TIAM2: variants seen among roughly 807,000 people sequenced by gnomAD.
TIAM2 encodes the protein rho guanine nucleotide exchange factor TIAM2.
Under a neutral mutation model 152.9 loss-of-function variants are expected in TIAM2, and 80 were observed. That is an observed-to-expected ratio of 0.52 (90% CI 0.44 to 0.63). The LOEUF (loss-of-function observed/expected upper bound fraction) is 0.63, where lower values mean the gene tolerates loss of function less well. Among genes scored for constraint, TIAM2 ranks in the 30% least tolerant of loss-of-function variants. TIAM2 has a pLI of 0.00. For missense variants in TIAM2, 1,965 were observed against 2,120.1 expected (o/e 0.93, Z 1.44); for synonymous variants, 804 against 838.0 (o/e 0.96, Z 0.70).
chr6:155,172,105 T>C (rs955108891), intron 9 of TIAM2, among the ~76,000 whole-genome samples: 2 of 152,174 alleles, frequency 1.3e-5, no homozygotes, highest in African/African-American at 4.8e-5. Flanking sequence ...TCAGGACCAT[T>C]GATGTAATAA....
intron 1 of TIAM2, among the ~76,000 whole-genome samples, chr6:155,022,983 G>T (rs574994125): frequency 6.6e-6 from 1 of 151,132 alleles, no homozygotes; most frequent in East Asian, 1.9e-4. Context: ...TTCTGTTTTT[G>T]TAGAGAGGTT....
Position 155,154,805 on chromosome 6 carries a change from G to A in TIAM2, c.2028+6471G>A, listed in dbSNP as rs77493766. Among the ~76,000 whole-genome samples the A allele has an allele frequency of 8.8e-3, 1,344 of 152,190 alleles. 17 individuals are homozygous for A. The highest frequency in any genetic ancestry group is 0.031 in the African/African-American group (1,298 of 41,516). ...GAAGGAGGAAGCACTTGCTGGTAGG[G>A]TTCAGACTGCTCTGGGTTTTATGAA... is the stretch of plus-strand genomic sequence containing the variant. On this transcript the variant is annotated intron_variant, in intron 7 of 26. Coordinates refer to ENST00000682666, the MANE Select transcript of TIAM2 (RefSeq NM_012454.4).
intron 1 of TIAM2, among the ~76,000 whole-genome samples, chr6:155,079,404 A>G (rs1333563091): frequency 6.6e-6 from 1 of 152,096 alleles, no homozygotes; most frequent in African/African-American, 2.4e-5. Flanking sequence ...AATTTGTCAG[A>G]TGTCTTTGCT....
In TIAM2 at chr6:155,249,983, C is replaced by CT; in HGVS notation, c.3951+15dup. 1 of 1,599,418 alleles carries CT rather than the reference C, an allele frequency of 6.3e-7. No individual in the cohort carries two copies. The highest frequency in any genetic ancestry group is 8.5e-7 in the Non-Finnish European group (1 of 1,169,926). ...ACAGAGAAGGAGGTCCGTGAGACAT[C>CT]TGCACCCTGGGAGCCTAGTGCATGT... On this transcript the variant is annotated intron_variant, in intron 21 of 26. Transcript: ENST00000682666.
chr6:155,240,446 C>T lies in TIAM2; in HGVS notation c.3169-84C>T, dbSNP rs529937608. ...CTCTGAGATCCCTGCTGAGCACAGA[C>T]GGAGACACTTGGTGCCCTTGGGGGC... On this transcript the variant is annotated intron_variant, in intron 15 of 26. Transcript: ENST00000682666. 4.3e-5 allele frequency: 61 copies of T among 1,430,130 alleles called. 1 individual carries two copies. The South Asian group carries it at 6.0e-4, about 14-fold the overall frequency. The allele number at this position is 1,430,130 out of a possible 1,614,324, so 88.6% of individuals were successfully genotyped here.
chr6:155,203,424 T>G (rs530971979), intron 14 of TIAM2, among the ~76,000 whole-genome samples: 6 of 152,332 alleles, frequency 3.9e-5, no homozygotes, highest in African/African-American at 1.4e-4. Flanking sequence ...TCTGAGAAAC[T>G]GAATAGGGAA....
chr6:155,114,038 T>TA (rs1562320509), intron 2 of TIAM2, among the ~76,000 whole-genome samples: 6 of 22,858 alleles, frequency 2.6e-4, no homozygotes, highest in African/African-American at 3.9e-4. Flanking sequence ...ATATATATAT[T>TA]TTTTTTTTTT....
At chr6:155,095,616 G>A (rs1421977989) in intron 2 of TIAM2, among the ~76,000 whole-genome samples, 1 of 152,158 alleles carries the variant, frequency 6.6e-6, no homozygotes, top group African/African-American at 2.4e-5. Context: ...AAATGAGAGT[G>A]GCCCCATCTG....
At chr6:155,069,930 T>TA (rs1777798646) in intron 1 of TIAM2, among the ~76,000 whole-genome samples, 1 of 137,964 alleles carries the variant, frequency 7.2e-6, no homozygotes, top group African/African-American at 2.8e-5. Context: ...TTTTTTTTTT[T>TA]GAGACAAGGT....
intron 1 of TIAM2, among the ~76,000 whole-genome samples, chr6:155,068,015 C>T (rs1443189889): frequency 6.6e-6 from 1 of 152,134 alleles, no homozygotes; most frequent in Non-Finnish European, 1.5e-5. Context: ...TTTTATTACA[C>T]TTAGTCAAGT....
intron 15 of TIAM2, among the ~76,000 whole-genome samples, chr6:155,227,368 C>T (rs903115325): frequency 2.0e-5 from 3 of 152,156 alleles, no homozygotes; most frequent in Non-Finnish European, 4.4e-5. Flanking sequence ...CATTTAAACC[C>T]GTTTTCCCCA....
Position 154,995,878 on chromosome 6 carries a change from G to C in TIAM2, c.-209+386G>C, listed in dbSNP as rs968031086. 2.0e-4 allele frequency among the ~76,000 whole-genome samples: 31 copies of C among 152,144 alleles called. No homozygotes were observed. Among genetic ancestry groups the C allele is most frequent in the Non-Finnish European group, 5.9e-5 (4 of 68,020 alleles). On this transcript the variant is annotated intron_variant, in intron 1 of 26. Transcript: ENST00000682666. The surrounding 1 kb of genome is among the most constrained non-coding windows in gnomAD (Gnocchi z 5.2). ...CCTGATACCGAGGTTCTCGCCCAAA[G>C]CCGAGCCGTGGGTGCCCGGAGGGGA...
At chr6:155,042,040 T>G (rs1777058039) in intron 1 of TIAM2, among the ~76,000 whole-genome samples, 1 of 151,946 alleles carries the variant, frequency 6.6e-6, no homozygotes, top group African/African-American at 2.4e-5. Flanking sequence ...TTTTTTTTAA[T>G]CTTTGAGTGT....
intron 1 of TIAM2, among the ~76,000 whole-genome samples, chr6:155,029,664 T>G (rs1182082148): frequency 6.0e-5 from 8 of 134,214 alleles, no homozygotes; most frequent in Middle Eastern, 3.6e-3. Flanking sequence ...TAGAGTTATA[T>G]AACTATATAC....
chr6:155,104,756 CAAAA>C (rs55914919), intron 2 of TIAM2, among the ~76,000 whole-genome samples: 1 of 134,166 alleles, frequency 7.5e-6, no homozygotes, highest in Non-Finnish European at 1.6e-5. Flanking sequence ...GACTCTGTCT[CAAAA>C]AAAAAAAAAA....
chr6:155,034,010 C>T (rs1216367149), intron 1 of TIAM2, among the ~76,000 whole-genome samples: 3 of 151,590 alleles, frequency 2.0e-5, no homozygotes, highest in African/African-American at 7.3e-5. Context: ...AGCCACCGCA[C>T]CCGGCCTCTC....
chr6:155,166,111 C>G (rs1780429540), intron 9 of TIAM2, among the ~76,000 whole-genome samples: 1 of 151,974 alleles, frequency 6.6e-6, no homozygotes, highest in Admixed American at 6.6e-5. Context: ...AGAACATGGC[C>G]TTGGGGTTTT....
At chr6:155,126,600 G>A (rs1779303782) in intron 2 of TIAM2, among the ~76,000 whole-genome samples, 1 of 152,088 alleles carries the variant, frequency 6.6e-6, no homozygotes, top group Admixed American at 6.5e-5. Flanking sequence ...GCGTGGTGGT[G>A]CGTGCCTGTA....
intron 26 of TIAM2, chr6:155,255,617 T>TACAA: frequency 6.6e-6 from 1 of 150,596 alleles, no homozygotes; most frequent in East Asian, 2.0e-4. Context: ...AGAACAGAAC[T>TACAA]ACACACACAC....
Sources: gnomAD v4.1 joint callset for allele counts (sites outside exome capture counted in the v4.1 genomes callset) on GRCh38, gnomAD v4.1.1 for gene constraint, Gnocchi (gnomAD v3.1) non-coding constraint, MANE v1.5 for transcripts, NCBI Gene and HGNC (gene_info 2026-07-23, HGNC 2026-07-21) for gene names.